ITIH5: variants seen among roughly 807,000 people sequenced by gnomAD.
The protein encoded by ITIH5 is inter-alpha-trypsin inhibitor heavy chain 5.
ITIH5 carries 65 observed loss-of-function variants against 77.5 expected under a neutral mutation model. The observed-to-expected ratio is 0.84, with a 90% CI of 0.69 to 1.03. ITIH5 has a LOEUF of 1.03. Among genes scored for constraint, ITIH5 ranks in the 50% least tolerant of loss-of-function variants. The probability of loss-of-function intolerance (pLI) is 0.00; values close to 1 mark genes in which losing one functional copy is unlikely to be tolerated. For missense variants in ITIH5, 1,208 were observed against 1,213.1 expected (o/e 1.00, Z 0.06); for synonymous variants, 525 against 494.3 (o/e 1.06, Z -0.82).
rs35907983 is a variant in ITIH5 at position 7,565,729 on chromosome 10, TAGAG to T, written c.2527+297_2527+300del. On this transcript the variant is annotated intron_variant, in intron 13 of 13. Coordinates refer to ENST00000397146, the MANE Select transcript of ITIH5 (RefSeq NM_030569.7). ...ATATAATATATATTATGTATTTATA[TAGAG>T]AGACTATATACACATATGCAGTCTG... Among the ~76,000 whole-genome samples the T allele has an allele frequency of 2.8e-4, 42 of 148,962 alleles. 1 individual carries two copies. The highest frequency in any genetic ancestry group is 3.6e-3 in the Middle Eastern group (1 of 280).
chr10:7,641,533 G>A (rs1833884454), intron 3 of ITIH5, among the ~76,000 whole-genome samples: 1 of 151,158 alleles, frequency 6.6e-6, no homozygotes, highest in Admixed American at 6.6e-5. Flanking sequence ...TTTGTTGAAG[G>A]GGAGGAAGGA....
intron 8 of ITIH5, among the ~76,000 whole-genome samples, chr10:7,582,101 T>C (rs1416823439): frequency 1.3e-5 from 2 of 152,056 alleles, no homozygotes; most frequent in Admixed American, 6.6e-5. Flanking sequence ...GGTCTTGATT[T>C]CCTGACCTTG....
chr10:7,628,261 T>C (rs958765288), intron 5 of ITIH5, among the ~76,000 whole-genome samples: 25 of 152,332 alleles, frequency 1.6e-4, no homozygotes, highest in Non-Finnish European at 2.6e-4. Context: ...TCTGTAACCA[T>C]CCAGCAGCCA....
At chr10:7,650,007 A>G (rs756736021) in intron 2 of ITIH5, among the ~76,000 whole-genome samples, 3 of 152,258 alleles carry the variant, frequency 2.0e-5, no homozygotes, top group African/African-American at 4.8e-5. Context: ...TTCCTGTGAC[A>G]TAAGATAATT....
intron 5 of ITIH5, among the ~76,000 whole-genome samples, chr10:7,629,798 T>G (rs1178074506): frequency 1.3e-5 from 2 of 152,222 alleles, no homozygotes; most frequent in Non-Finnish European, 2.9e-5. Flanking sequence ...AACAAGTATT[T>G]AAGTACCTGC....
At chr10:7,624,877 GTA>G (rs1332022320) in intron 5 of ITIH5, among the ~76,000 whole-genome samples, 32 of 26,478 alleles carry the variant, frequency 1.2e-3, no homozygotes, top group African/African-American at 3.7e-3. Flanking sequence ...ATATATGTAT[GTA>G]TATATATGTG....
intron 2 of ITIH5, among the ~76,000 whole-genome samples, chr10:7,644,488 T>C (rs1833945473): frequency 7.3e-6 from 1 of 136,500 alleles, no homozygotes; most frequent in Non-Finnish European, 1.5e-5. Context: ...TAATCACATA[T>C]ATATCATAAT....
At chr10:7,634,087 T>A (rs1380415939) in intron 5 of ITIH5, among the ~76,000 whole-genome samples, 4 of 34,324 alleles carry the variant, frequency 1.2e-4, no homozygotes, top group African/African-American at 3.5e-4. Flanking sequence ...AGACTCCGTC[T>A]CAAAAAAAAA....
chr10:7,620,226 A>G (rs910491411), intron 5 of ITIH5: 4 of 152,148 alleles, frequency 2.6e-5, no homozygotes, highest in African/African-American at 9.7e-5. Context: ...TACATATACA[A>G]CTATAAACAC....
intron 5 of ITIH5, among the ~76,000 whole-genome samples, chr10:7,630,662 G>T (rs1292383892): frequency 6.6e-6 from 1 of 152,124 alleles, no homozygotes; most frequent in Non-Finnish European, 1.5e-5. Context: ...TTTTAATTGG[G>T]TTGTTTATCC....
chr10:7,645,271 G>A (rs1465636438), intron 2 of ITIH5, among the ~76,000 whole-genome samples: 2 of 152,036 alleles, frequency 1.3e-5, no homozygotes, highest in African/African-American at 4.8e-5. Context: ...TCTGAGTATT[G>A]TTGAAAGAGT....
rs191558509 is a variant in ITIH5, at chr10:7,584,987, G to T, written c.1108+914C>A. ...TCCACATTAAGTTCATTTGGGAAAT[G>T]AGGGCTTTGTCTTGGACTGGGAAAC... On this transcript the variant is annotated intron_variant, in intron 8 of 13. Transcript: ENST00000397146. Among the ~76,000 whole-genome samples the T allele has an allele frequency of 4.1e-4, 62 of 152,328 alleles. 1 individual carries two copies. The highest frequency in any genetic ancestry group is 3.7e-3 in the Admixed American group (56 of 15,308).
intron 10 of ITIH5, among the ~76,000 whole-genome samples, chr10:7,575,003 G>A (rs531546019): frequency 7.2e-4 from 110 of 152,222 alleles, no homozygotes; most frequent in Non-Finnish European, 1.4e-3. Flanking sequence ...GGTAGAAAGT[G>A]ATAGCATCCT....
chr10:7,619,179 G>C (rs908532792), intron 5 of ITIH5: 4 of 152,346 alleles, frequency 2.6e-5, no homozygotes, highest in African/African-American at 9.6e-5. Flanking sequence ...AAAAGGAAAA[G>C]TCCTTGAAAT....
chr10:7,644,707 A>G (rs1275243462), intron 2 of ITIH5, among the ~76,000 whole-genome samples: 2 of 135,368 alleles, frequency 1.5e-5, no homozygotes, highest in African/African-American at 6.1e-5. Context: ...TATCTATATC[A>G]CATATATATC....
chr10:7,566,651 G>A (rs554976020), intron 12 of ITIH5, among the ~76,000 whole-genome samples: 66 of 147,572 alleles, frequency 4.5e-4, no homozygotes, highest in Non-Finnish European at 7.6e-4. Context: ...GAGGCCAGGA[G>A]TTCAAGGCTG....
At chr10:7,636,883 C>T (rs995847614) in intron 5 of ITIH5, among the ~76,000 whole-genome samples, 1 of 152,084 alleles carries the variant, frequency 6.6e-6, no homozygotes, top group Admixed American at 6.6e-5. Context: ...GAAACCCCGT[C>T]TCGACTAAAA....
intron 2 of ITIH5, among the ~76,000 whole-genome samples, chr10:7,651,194 G>C (rs567615616): frequency 6.7e-6 from 1 of 149,072 alleles, no homozygotes; most frequent in South Asian, 2.2e-4. Flanking sequence ...GGGCTGGCTT[G>C]TTCCTAGGAA....
chr10:7,568,200 A>G (rs1357780157), intron 12 of ITIH5, among the ~76,000 whole-genome samples: 2 of 152,226 alleles, frequency 1.3e-5, no homozygotes, highest in Admixed American at 1.3e-4. Flanking sequence ...GCAATTTGCA[A>G]TAAGAAAAGA....
Sources: gnomAD v4.1 joint callset for allele counts (sites outside exome capture counted in the v4.1 genomes callset) on GRCh38, gnomAD v4.1.1 for gene constraint, MANE v1.5 for transcripts, NCBI Gene and HGNC (gene_info 2026-07-23, HGNC 2026-07-21) for gene names.